The following PGAM5 variants were observed in gnomAD, a reference collection of about 807,000 sequenced individuals.
PGAM5 encodes serine/threonine-protein phosphatase PGAM5, mitochondrial.
In PGAM5, 25 loss-of-function variants were observed where a neutral mutation model predicts 30.6. That is an observed-to-expected ratio of 0.82 (90% CI 0.60 to 1.14). The LOEUF is 1.14. Ranked by LOEUF, PGAM5 falls within the 50% of genes most tolerant of loss-of-function variation. The pLI, the probability that PGAM5 is intolerant of heterozygous loss-of-function variation, is 0.00. For synonymous variants in PGAM5, 201 were observed against 179.1 expected (o/e 1.12, Z -0.98); for missense variants, 384 against 408.5 (o/e 0.94, Z 0.52).
rs139278979 is a variant in PGAM5, at chr12:132,720,393, C to T, written c.720-285C>T. On this transcript the variant is annotated intron_variant, in intron 5 of 5. Coordinates refer to ENST00000498926, the MANE Select transcript of PGAM5 (RefSeq NM_001170543.2). ...CGCGATCTCAGCTCACTGCAAGCTC[C>T]GCCTCCCGGGTTCACGCCATTCTTC... is the stretch of plus-strand genomic sequence containing the variant. Among the ~76,000 whole-genome samples the T allele has an allele frequency of 6.0e-3, 911 of 151,948 alleles. 5 individuals carry two copies. The highest frequency in any genetic ancestry group is 0.021 in the African/African-American group (866 of 41,416).
intron 5 of PGAM5, chr12:132,718,837 G>A (rs188464873): frequency 1.2e-5 from 20 of 1,613,102 alleles, no homozygotes; most frequent in East Asian, 2.2e-5. Context: ...ATCTGTGGGC[G>A]CTCCCACCCG....
At chr12:132,714,571 C>T (rs1028541186) in intron 1 of PGAM5, among the ~76,000 whole-genome samples, 6 of 152,200 alleles carry the variant, frequency 3.9e-5, no homozygotes, top group Admixed American at 3.9e-4. Context: ...TTGGGGTAGT[C>T]TGTCTCCTGC....
Position 132,717,461 on chromosome 12 carries a change from TGG to T in PGAM5, c.395_396del (p.Gly132AlafsTer11). 6.2e-7 allele frequency: 1 copy of T among 1,609,044 alleles called. No homozygotes were observed. The highest frequency in any genetic ancestry group is 1.3e-5 in the African/African-American group (1 of 74,984). ...PLGREQAELT[G>X]LRLASLGLKF... ...CAGGTCGGGAGCAGGCTGAACTCAC[TGG>T]GCTCCGCCTGGCAAGCTTGGGGTTG... On this transcript the variant is annotated frameshift_variant, in exon 3 of 6. Coordinates refer to ENST00000498926, the MANE Select transcript of PGAM5 (RefSeq NM_001170543.2). LOFTEE classifies it high-confidence loss of function.
chr12:132,717,568 A>G lies in PGAM5; in HGVS notation c.496+4A>G, dbSNP rs2043593652. 1.2e-6 allele frequency: 2 copies of G among 1,610,304 alleles called. No individual in the cohort carries two copies. The highest frequency in any genetic ancestry group is 2.7e-5 in the African/African-American group (2 of 74,850). ...ATCATCAGCCGGCACCTGCCAGGTG[A>G]GTGCTGCGCGCGGGGCCTCCATGCT... On this transcript the variant is annotated splice_donor_region_variant and intron_variant, in intron 3 of 5. Coordinates refer to ENST00000498926, the MANE Select transcript of PGAM5 (RefSeq NM_001170543.2).
intron 2 of PGAM5, among the ~76,000 whole-genome samples, chr12:132,716,326 C>T (rs1359140386): frequency 6.6e-6 from 1 of 151,886 alleles, no homozygotes; most frequent in African/African-American, 2.4e-5. Flanking sequence ...ACCTTGTGAT[C>T]CACCCGCCTC....
At chr12:132,715,442 G>A (rs566418463) in intron 2 of PGAM5, among the ~76,000 whole-genome samples, 126 of 151,822 alleles carry the variant, frequency 8.3e-4, no homozygotes, top group African/African-American at 2.8e-3. Flanking sequence ...GCAGTGGTGG[G>A]CGCCTGTAGT....
At chr12:132,715,995 C>T (rs2043573864) in intron 2 of PGAM5, among the ~76,000 whole-genome samples, 2 of 152,176 alleles carry the variant, frequency 1.3e-5, no homozygotes, top group South Asian at 2.1e-4. Context: ...TGGAAAGCGG[C>T]GTGGCTTGTG....
chr12:132,719,082 T>C, intron 5 of PGAM5: 1 of 1,403,470 alleles, frequency 7.1e-7, no homozygotes, highest in Non-Finnish European at 9.2e-7. Context: ...GAGGGCCCCT[T>C]GGGGGGCAGG....
rs1174203461 is a variant in PGAM5 at position 132,720,770 on chromosome 12, C to T, written c.812C>T (p.Ala271Val). ...HLVIRPNGRV[A>V]LRTLGDTGFM... is the part of the protein sequence containing the mutation. ...GTGATCCGACCCAACGGCCGAGTTG[C>T]GCTCAGGACCCTCGGGGACACGGGG... The change falls in exon 6 of 6, where the codon GCG becomes GTG. Residue 271 changes from alanine (A) to valine (V), a missense_variant. Ala to Val is a moderately conservative substitution (Grantham distance 64). Coordinates refer to ENST00000498926, the MANE Select transcript of PGAM5 (RefSeq NM_001170543.2). The T allele has an allele frequency of 3.9e-5, 60 of 1,536,312 alleles. No individual in the cohort carries two copies. The highest frequency in any genetic ancestry group is 3.6e-5 in the Non-Finnish European group (41 of 1,146,884).
At chr12:132,712,508 G>C (rs980668443) in intron 1 of PGAM5, among the ~76,000 whole-genome samples, 1 of 152,148 alleles carries the variant, frequency 6.6e-6, no homozygotes, top group African/African-American at 2.4e-5. Context: ...CCAGGCTGGA[G>C]TGCAATGGTG....
At chr12:132,716,948 A>C (rs113314113) in intron 2 of PGAM5, among the ~76,000 whole-genome samples, 390 of 149,398 alleles carry the variant, frequency 2.6e-3, no homozygotes, top group African/African-American at 9.1e-3. Flanking sequence ...AAAAGCTCAC[A>C]AGAGAAAAGG....
In PGAM5 at chr12:132,717,552, C is replaced by T. The variant is rs746525292; in HGVS notation, c.484C>T (p.Arg162Trp). ...RAIETTDIIS[R>W]HLPGVCKVST... ...CATAGAGACCACCGATATCATCAGC[C>T]GGCACCTGCCAGGTGAGTGCTGCGC... Residue 162 changes from arginine (R) to tryptophan (W), a missense_variant, in exon 3 of 6, where the codon CGG (arginine) becomes TGG (tryptophan). Transcript: ENST00000498926. 3.5e-5 allele frequency: 56 copies of T among 1,610,590 alleles called. No individual in the cohort carries two copies. Among genetic ancestry groups the T allele is most frequent in the Non-Finnish European group, 4.7e-5 (55 of 1,179,892 alleles).
rs928043720 is a variant in PGAM5, at chr12:132,717,629, T to A, written c.496+65T>A. 9 of 1,594,472 alleles carry A rather than the reference T, an allele frequency of 5.6e-6. No individual in the cohort carries two copies. The African/African-American group carries it at 1.2e-4, about 21-fold the overall frequency. On this transcript the variant is annotated intron_variant, in intron 3 of 5. Coordinates refer to ENST00000498926, the MANE Select transcript of PGAM5 (RefSeq NM_001170543.2). ...GGCGGCTCGTGGCAGGGCCCCGGCC[T>A]GAGCTCCTGGCCACCGGGAGGTCAC...
intron 2 of PGAM5, among the ~76,000 whole-genome samples, chr12:132,715,748 A>G (rs1421191589): frequency 6.6e-6 from 1 of 151,872 alleles, no homozygotes; most frequent in East Asian, 1.9e-4. Context: ...GTGCAGTGGC[A>G]GGCACCTGTA....
chr12:132,712,053 G>T (rs2043527927), intron 1 of PGAM5, among the ~76,000 whole-genome samples: 2 of 152,094 alleles, frequency 1.3e-5, no homozygotes, highest in South Asian at 4.1e-4. Flanking sequence ...CTGTGGTTGC[G>T]TTAGGTACTT....
chr12:132,717,994 A>G lies in PGAM5; in HGVS notation c.593A>G (p.Tyr198Cys). 6.2e-7 allele frequency: 1 copy of G among 1,612,732 alleles called. No individual in the cohort carries two copies. The highest frequency in any genetic ancestry group is 8.5e-7 in the Non-Finnish European group (1 of 1,179,956). The change falls in exon 5 of 6, where the codon TAC becomes TGC. Residue 198 changes from tyrosine (Y) to cysteine (C), a missense_variant. Transcript: ENST00000498926. ...SHWKPEAVQY[Y>C]EDGARIEAAF... ...TCCTCACTCTGCCCCCAGCAGTATT[A>G]CGAAGACGGAGCCCGGATCGAGGCC...
intron 4 of PGAM5, 36 bp downstream of exon 4, chr12:132,717,834 C>G: frequency 6.3e-7 from 1 of 1,578,798 alleles, no homozygotes; most frequent in East Asian, 2.3e-5. Flanking sequence ...GTGTCACCCT[C>G]GCCTTCCCTG....
Position 132,722,706 on chromosome 12 carries a change from A to T in PGAM5, c.*1878A>T, listed in dbSNP as rs1227121143. ...TGTCTACTTTGGAAATGATTGCATA[A>T]TAAATAAAATTTTACTGTTTTTTTA... On this transcript the variant is annotated 3_prime_UTR_variant, in exon 6 of 6. Coordinates refer to ENST00000498926, the MANE Select transcript of PGAM5 (RefSeq NM_001170543.2). The T allele has an allele frequency of 6.6e-6, 1 of 152,192 alleles. No homozygotes were observed. The highest frequency in any genetic ancestry group is 1.9e-4 in the East Asian group (1 of 5,202). The allele number at this position is 152,192 out of a possible 1,614,324, so 9.4% of individuals were successfully genotyped here.
intron 5 of PGAM5, chr12:132,719,164 C>CA (rs2043618816): frequency 8.0e-7 from 1 of 1,244,724 alleles, no homozygotes; most frequent in Admixed American, 4.0e-5. Context: ...AAATTTGAAA[C>CA]AAATTTGCCT....
Sources: allele counts gnomAD v4.1 joint callset (sites outside exome capture counted in the v4.1 genomes callset), GRCh38; gene constraint gnomAD v4.1.1; transcripts MANE v1.5; gene names NCBI Gene and HGNC (gene_info 2026-07-23, HGNC 2026-07-21).